ZPBP: variants seen among roughly 807,000 people sequenced by gnomAD.
The protein encoded by ZPBP is zona pellucida binding protein.
In ZPBP, 26 loss-of-function variants were observed where a neutral mutation model predicts 44.8. That is an observed-to-expected ratio of 0.58 (90% CI 0.43 to 0.81). The LOEUF (loss-of-function observed/expected upper bound fraction) is 0.81, where lower values mean the gene tolerates loss of function less well. Ranked by LOEUF, ZPBP falls within the 30% of genes least tolerant of loss-of-function variation. ZPBP has a pLI of 0.00. For missense variants in ZPBP, 409 were observed against 434.0 expected, an observed-to-expected ratio of 0.94 and a Z score of 0.51; for synonymous variants, 174 against 153.2, an observed-to-expected ratio of 1.14 and a Z score of -1.00.
chr7:50,051,914 T>C lies in ZPBP; in HGVS notation c.487+6075A>G, dbSNP rs140727220. ...AGCAAACCACCATGGCACATGTTTATGTAACGAGCCTGCACATCCTGCATG... is the reference window on the plus strand; with the variant it reads ...AGCAAACCACCATGGCACATGTTTACGTAACGAGCCTGCACATCCTGCATG... On this transcript the variant is annotated intron_variant, in intron 4 of 7. Transcript: ENST00000046087. Among the ~76,000 whole-genome samples the C allele has an allele frequency of 7.7e-3, 1,165 of 152,170 alleles. 12 individuals carry two copies. Among genetic ancestry groups the C allele is most frequent in the Middle Eastern group, 0.017 (5 of 294 alleles).
At chr7:49,855,200 C>G (rs902202256) in intron 2 of ZPBP, among the ~76,000 whole-genome samples, 1 of 152,208 alleles carries the variant, frequency 6.6e-6, no homozygotes, top group South Asian at 2.1e-4. Context: ...AAAGGCAAAT[C>G]TTTCTTTTTC....
chr7:50,084,119 G>A (rs62447816), intron 2 of ZPBP, among the ~76,000 whole-genome samples: 28,063 of 151,736 alleles, frequency 0.18, 3,748 homozygotes, highest in East Asian at 0.65. Context: ...AGAAAAGAAT[G>A]GGTAGAGGCA....
chr7:50,028,599 AC>A (rs1277139710), intron 5 of ZPBP, among the ~76,000 whole-genome samples: 7 of 149,900 alleles, frequency 4.7e-5, no homozygotes, highest in South Asian at 2.1e-4. Flanking sequence ...TTTCACACAC[AC>A]AAAAAAAACA....
intron 1 of ZPBP, chr7:49,915,104 C>A (rs1793645132): frequency 6.6e-6 from 1 of 152,154 alleles, no homozygotes; most frequent in Non-Finnish European, 1.5e-5. Context: ...AAGTTAAATT[C>A]ATTCTTTCAG....
At chr7:49,948,674 T>C (rs1013730937) in intron 7 of ZPBP, among the ~76,000 whole-genome samples, 1 of 152,072 alleles carries the variant, frequency 6.6e-6, no homozygotes, top group Non-Finnish European at 1.5e-5. Context: ...AGATACCACT[T>C]CAAACACAAT....
chr7:49,922,709 A>G (rs984826970), intron 1 of ZPBP, among the ~76,000 whole-genome samples: 9 of 152,336 alleles, frequency 5.9e-5, no homozygotes, highest in African/African-American at 1.9e-4. Context: ...GAGTCTGGGT[A>G]TACAAAGGCG....
At position 50,045,715 on chromosome 7, in the gene ZPBP, T is replaced by C. The variant is rs1470688983; in HGVS notation, c.487+12274A>G. The stretch of plus-strand genomic sequence containing the variant: ...AGAATCAATATATTGACAATGGCCA[T>C]ACTGCAGAAAGTCATTTATAGATTC... On this transcript the variant is annotated intron_variant, in intron 4 of 7. Transcript: ENST00000046087. 2.0e-5 allele frequency among the ~76,000 whole-genome samples: 3 copies of C among 152,264 alleles called. No individual in the cohort carries two copies. In the East Asian group the frequency reaches 5.8e-4, roughly 29 times the overall value.
chr7:49,982,793 T>A (rs891758843), intron 7 of ZPBP, among the ~76,000 whole-genome samples: 32 of 152,096 alleles, frequency 2.1e-4, no homozygotes, highest in Middle Eastern at 3.4e-3. Flanking sequence ...GCAAAGACTT[T>A]GAATTCATGT....
intron 2 of ZPBP, among the ~76,000 whole-genome samples, chr7:50,089,023 A>G (rs2128857274): frequency 6.6e-6 from 1 of 152,204 alleles, no homozygotes; most frequent in East Asian, 1.9e-4. Context: ...TTTATATGAA[A>G]TTTCCAGAAC....
chr7:49,993,912 T>TC lies in ZPBP; in HGVS notation c.784-10394dup, dbSNP rs571608788. 6.4e-4 allele frequency among the ~76,000 whole-genome samples: 98 copies of TC among 152,264 alleles called. 1 individual carries two copies. Among genetic ancestry groups the TC allele is most frequent in the African/African-American group, 2.2e-3 (92 of 41,550 alleles). The stretch of plus-strand genomic sequence containing the variant: ...AGTATCCACAAAAGGGGTCATCCCA[T>TC]CCCCTGCCTTATTAAAATTCTCCTT... On this transcript the variant is annotated intron_variant, in intron 6 of 7. Coordinates refer to ENST00000046087, the MANE Select transcript of ZPBP (RefSeq NM_007009.3).
At chr7:49,904,006 C>G (rs1054714704) in intron 1 of ZPBP, among the ~76,000 whole-genome samples, 1 of 152,108 alleles carries the variant, frequency 6.6e-6, no homozygotes, top group Non-Finnish European at 1.5e-5. Flanking sequence ...CTGGTCACCC[C>G]ACCCTAATCT....
intron 4 of ZPBP, among the ~76,000 whole-genome samples, chr7:50,048,227 TATAAAC>T (rs1363339332): frequency 1.3e-5 from 2 of 152,084 alleles, no homozygotes; most frequent in Non-Finnish European, 2.9e-5. Context: ...AAAGAACAAT[TATAAAC>T]ATACAGATAT....
At chr7:49,950,953 G>C (rs1795316709) in intron 7 of ZPBP, among the ~76,000 whole-genome samples, 1 of 151,654 alleles carries the variant, frequency 6.6e-6, no homozygotes, top group South Asian at 2.1e-4. Context: ...ATACATCTAA[G>C]ACAACTGATT....
At chr7:49,954,255 A>C (rs762547950) in intron 7 of ZPBP, among the ~76,000 whole-genome samples, 2 of 152,176 alleles carry the variant, frequency 1.3e-5, no homozygotes. Flanking sequence ...AAAAGAATGA[A>C]GTTGAACCCC....
intron 7 of ZPBP, among the ~76,000 whole-genome samples, chr7:49,945,729 G>A (rs750301990): frequency 6.6e-5 from 10 of 151,720 alleles, no homozygotes; most frequent in East Asian, 1.9e-4. Context: ...GTGTGTGTCC[G>A]TCTGGGTGTA....
intron 7 of ZPBP, among the ~76,000 whole-genome samples, chr7:49,969,462 A>G: frequency 6.7e-6 from 1 of 150,334 alleles, no homozygotes; most frequent in Non-Finnish European, 1.5e-5. Flanking sequence ...CTTCAAATTA[A>G]TCTTCCAAAA....
At chr7:49,934,429 T>C (rs1794557324), downstream of ZPBP, among the ~76,000 whole-genome samples, 1 of 117,592 alleles carries the variant, frequency 8.5e-6, no homozygotes, top group South Asian at 3.0e-4. Context: ...TGCAGAAAAT[T>C]TGGAAAACAG....
chr7:50,063,054 G>C (rs946797781), intron 3 of ZPBP, among the ~76,000 whole-genome samples: 1 of 152,102 alleles, frequency 6.6e-6, no homozygotes, highest in African/African-American at 2.4e-5. Flanking sequence ...TCAATTAATT[G>C]AGACATGCAT....
chr7:49,981,288 TA>T lies in ZPBP; in HGVS notation c.961+2053del, dbSNP rs1562818846. Among the ~76,000 whole-genome samples the T allele has an allele frequency of 4.8e-3, 341 of 70,952 alleles. 22 individuals carry two copies. The South Asian group carries it at 0.13, about 27-fold the overall frequency. 46.5% of individuals were successfully genotyped at this position (70,952 alleles called of 152,430 possible). ...TAGATCAGATATAATATATATTATA[TA>T]ATATATATTATATATAATTATATAT... On this transcript the variant is annotated intron_variant, in intron 7 of 7. Transcript: ENST00000046087.
Sources: gnomAD v4.1 joint callset for allele counts (sites outside exome capture counted in the v4.1 genomes callset) on GRCh38, gnomAD v4.1.1 for gene constraint, MANE v1.5 for transcripts, NCBI Gene and HGNC (gene_info 2026-07-23, HGNC 2026-07-21) for gene names.